NKTR: variants seen among roughly 807,000 people sequenced by gnomAD.
NKTR encodes natural killer cell triggering receptor.
A neutral mutation model predicts 156.3 loss-of-function variants in NKTR; 67 were observed. The observed-to-expected ratio is 0.43, with a 90% CI of 0.35 to 0.53. The LOEUF (loss-of-function observed/expected upper bound fraction) is 0.53. NKTR is among the 20% of genes least tolerant of loss of function. The pLI is 0.01. For synonymous variants in NKTR, 640 were observed against 596.6 expected (o/e 1.07, Z -1.06); for missense variants, 1,604 against 1,730.9 (o/e 0.93, Z 1.30).
intron 16 of NKTR, 78 bp from the exon 17 acceptor site, chr3:42,645,810 T>C: frequency 1.1e-6 from 1 of 901,970 alleles, no homozygotes; most frequent in South Asian, 1.6e-5. Context: ...AAGCCACTCA[T>C]ATAAAAAACA....
At chr3:42,630,360 TTAG>T in intron 6 of NKTR, 183 bp from the exon 7 acceptor site, 1 of 1,400,838 alleles carries the variant, frequency 7.1e-7, no homozygotes, top group Non-Finnish European at 9.3e-7. Context: ...GTTTTTTAAA[TTAG>T]TAAGATGGCT....
Position 42,642,496 on chromosome 3 carries a change from T to C in NKTR, c.4047-5T>C, listed in dbSNP as rs1296427653. ...TATATATTTTTTCAATTGCTTTAATTGTAGATCAAGAAGCTACTCTAGAAG... is the reference window on the plus strand; with the variant it reads ...TATATATTTTTTCAATTGCTTTAATCGTAGATCAAGAAGCTACTCTAGAAG... On this transcript the variant is annotated splice_polypyrimidine_tract_variant and splice_region_variant and intron_variant, in intron 13 of 16. Coordinates refer to ENST00000232978, the MANE Select transcript of NKTR (RefSeq NM_005385.4). 2 of 1,605,480 alleles carry C rather than the reference T, an allele frequency of 1.2e-6. No homozygotes were observed. Among genetic ancestry groups the C allele is most frequent in the Non-Finnish European group, 1.7e-6 (2 of 1,172,326 alleles).
At chr3:42,607,999 T>TTTTTTTTTTTTTTTTTTTTTTTTTTTTC (rs1706398219) in intron 2 of NKTR, among the ~76,000 whole-genome samples, 1 of 54,746 alleles carries the variant, frequency 1.8e-5, no homozygotes, top group Non-Finnish European at 3.1e-5. Flanking sequence ...TTTTTTTTTT[T>TTTTTTTTTTTTTTTTTTTTTTTTTTTTC]TTTTTTTTTT....
At chr3:42,619,930 ACTTT>A in intron 5 of NKTR, 1 of 1,474,750 alleles carries the variant, frequency 6.8e-7, no homozygotes, top group Non-Finnish European at 8.9e-7. Context: ...GTTAAACATG[ACTTT>A]CAGCATGGAG....
chr3:42,613,836 C>A (rs770777096), intron 2 of NKTR, among the ~76,000 whole-genome samples: 1 of 152,056 alleles, frequency 6.6e-6, no homozygotes, highest in Non-Finnish European at 1.5e-5. Flanking sequence ...TTGGTATTTT[C>A]GGATTAAATT....
chr3:42,624,199 A>T (rs1249606721), intron 6 of NKTR, among the ~76,000 whole-genome samples: 3 of 151,532 alleles, frequency 2.0e-5, no homozygotes, highest in Non-Finnish European at 4.4e-5. Context: ...TAATTTTTAC[A>T]GTAACTTTAT....
intron 10 of NKTR, 38 bp from the exon 11 acceptor site, chr3:42,634,570 TCTTTG>T: frequency 8.8e-7 from 1 of 1,137,844 alleles, no homozygotes. Context: ...AATTCTAGCT[TCTTTG>T]CTTATTTTTA....
At chr3:42,600,901 C>T (rs1705333303) in intron 1 of NKTR, 83 bp from the exon 2 acceptor site, 1 of 857,810 alleles carries the variant, frequency 1.2e-6, no homozygotes, top group South Asian at 2.4e-5. Context: ...GTGGCGCGGA[C>T]TTCGTCTCAG....
intron 6 of NKTR, among the ~76,000 whole-genome samples, chr3:42,623,062 A>G (rs557182961): frequency 1.2e-4 from 19 of 152,154 alleles, no homozygotes; most frequent in Admixed American, 9.2e-4. Context: ...AACATAAACT[A>G]ATTAAAATTC....
At chr3:42,621,701 A>G (rs749092169) in intron 6 of NKTR, among the ~76,000 whole-genome samples, 185 bp downstream of exon 6, 5 of 152,022 alleles carry the variant, frequency 3.3e-5, no homozygotes, top group Non-Finnish European at 4.4e-5. Flanking sequence ...TATATCCTGA[A>G]TTGGAAGAAT....
chr3:42,600,876 C>T (rs1400176364), intron 1 of NKTR, 98 bp downstream of exon 1: 19 of 644,054 alleles, frequency 3.0e-5, no homozygotes, highest in South Asian at 8.6e-5. Context: ...TCGCGACGGG[C>T]CGGCGTGAGG....
At chr3:42,630,171 G>A (rs923830442) in intron 6 of NKTR, 8 of 1,021,586 alleles carry the variant, frequency 7.8e-6, no homozygotes, top group East Asian at 1.7e-4. Context: ...ATTTAATTAC[G>A]CTGATAAATT....
At chr3:42,619,861 T>A (rs1707744615) in intron 5 of NKTR, 153 bp downstream of exon 5, 11 of 1,430,312 alleles carry the variant, frequency 7.7e-6, no homozygotes, top group Admixed American at 2.9e-5. Flanking sequence ...AATTTGGGGA[T>A]AAATTATATT....
chr3:42,637,818 C>T lies in NKTR; in HGVS notation c.2114C>T (p.Ser705Leu). Residue 705 changes from serine to leucine, a missense_variant, in exon 13 of 17, where the codon TCA becomes TTA. Transcript: ENST00000232978. The stretch of plus-strand genomic sequence containing the variant: ...TCTAGGAGTAGATCTTATTCCAGAT[C>T]ATATACAAGATCACGTAGTCTAGCT... ...RSSRSRSYSR[S>L]YTRSRSLASS... The T allele has an allele frequency of 1.9e-6, 3 of 1,613,872 alleles. No individual in the cohort carries two copies. Among genetic ancestry groups the T allele is most frequent in the Non-Finnish European group, 2.5e-6 (3 of 1,179,886 alleles).
intron 7 of NKTR, chr3:42,630,836 C>T: frequency 7.5e-7 from 1 of 1,328,530 alleles, no homozygotes; most frequent in Non-Finnish European, 9.6e-7. Flanking sequence ...TTCAGTTTTC[C>T]AAAATGGGTC....
At position 42,635,178 on chromosome 3, in the gene NKTR, T is replaced by A. The variant is rs900098093; in HGVS notation, c.1018-43T>A. The A allele has an allele frequency of 5.7e-6, 9 of 1,565,722 alleles. No homozygotes were observed. In the African/African-American group the frequency reaches 9.5e-5, roughly 17 times the overall value. ...AACTCTGTCACATAGCAGACTGTCG[T>A]GGAGAGGCATTTTTTAAAATACTAT... On this transcript the variant is annotated intron_variant, in intron 11 of 16. Transcript: ENST00000232978.
chr3:42,603,979 C>T (rs532929308), intron 2 of NKTR, among the ~76,000 whole-genome samples: 95 of 152,186 alleles, frequency 6.2e-4, no homozygotes, highest in African/African-American at 1.9e-3. Context: ...TCAAGTGATC[C>T]GCCCACCTCG....
chr3:42,623,019 T>TA (rs1423456162), intron 6 of NKTR, among the ~76,000 whole-genome samples: 6 of 152,070 alleles, frequency 3.9e-5, no homozygotes, highest in Non-Finnish European at 8.8e-5. Flanking sequence ...CATAAAATGT[T>TA]AGAGTTAAAA....
chr3:42,630,997 T>C (rs1708849963), intron 7 of NKTR, 174 bp from the exon 8 acceptor site: 6 of 1,419,998 alleles, frequency 4.2e-6, no homozygotes, highest in Non-Finnish European at 5.5e-6. Flanking sequence ...CATAATCGTT[T>C]CCTTTTATGA....
Sources: allele counts gnomAD v4.1 joint callset (sites outside exome capture counted in the v4.1 genomes callset), GRCh38; gene constraint gnomAD v4.1.1; transcripts MANE v1.5; gene names NCBI Gene and HGNC (gene_info 2026-07-23, HGNC 2026-07-21).